MRPL49: variants seen among roughly 807,000 people sequenced by gnomAD.
MRPL49 encodes the protein mitochondrial ribosomal protein L49.
In MRPL49, 14 loss-of-function variants were observed where a neutral mutation model predicts 18.4. The observed-to-expected ratio is 0.76, with a 90% CI of 0.50 to 1.19. The LOEUF (loss-of-function observed/expected upper bound fraction) is 1.19. Among genes scored for constraint, MRPL49 ranks in the 50% most tolerant of loss-of-function variants. The pLI is 0.00. For missense variants in MRPL49, 190 were observed against 217.8 expected (o/e 0.87, Z 0.80); for synonymous variants, 104 against 86.2 (o/e 1.21, Z -1.14).
In MRPL49 at chr11:65,126,976, G is replaced by C. The variant is rs1158558091; in HGVS notation, c.*1104G>C. On this transcript the variant is annotated 3_prime_UTR_variant, in exon 4 of 4. Transcript: ENST00000279242. ...TAGCCTTCATATATGCCTTATACTT[G>C]GAGTCACAGGGGCCAAAGGCCTGAG... 7.4e-6 allele frequency: 5 copies of C among 679,754 alleles called. No individual in the cohort carries two copies. The African/African-American group carries it at 8.9e-5, about 12-fold the overall frequency. The allele number at this position is 679,754 out of a possible 1,614,324, so 42.1% of individuals were successfully genotyped here.
intron 2 of MRPL49, 121 bp downstream of exon 2, chr11:65,124,773 C>T (rs549471447): frequency 3.6e-6 from 4 of 1,112,552 alleles, no homozygotes; most frequent in Middle Eastern, 3.1e-4. Context: ...TTTGCAATCC[C>T]TCTGGGTTAC....
intron 2 of MRPL49, 172 bp from the exon 3 acceptor site, chr11:65,125,316 A>G (rs1040387605): frequency 6.8e-6 from 5 of 736,928 alleles, no homozygotes; most frequent in Middle Eastern, 3.7e-4. Flanking sequence ...AGGGTGAACA[A>G]TTTGGTCCTG....
Position 65,124,566 on chromosome 11 carries a change from T to C in MRPL49, c.143T>C (p.Val48Ala). 1 of 1,614,204 alleles carries C rather than the reference T, an allele frequency of 6.2e-7. No homozygotes were observed. Among genetic ancestry groups the C allele is most frequent in the Non-Finnish European group, 8.5e-7 (1 of 1,180,034 alleles). ...FVESVDEYQFVERLLPATRIP... is the reference protein window; with the variant it reads ...FVESVDEYQFAERLLPATRIP... ...GAGTCTGTGGATGAATATCAGTTTG[T>C]GGAGCGCCTGTTACCGGCTACCAGG... Residue 48 changes from valine (V) to alanine (A), a missense_variant, in exon 2 of 4, where the codon GTG (valine) becomes GCG (alanine). Coordinates refer to ENST00000279242, the MANE Select transcript of MRPL49 (RefSeq NM_004927.4).
upstream of MRPL49, chr11:65,122,281 C>T (rs769437): frequency 3.1e-3 from 4,871 of 1,563,236 alleles, 14 homozygotes; most frequent in Non-Finnish European, 3.5e-3. Flanking sequence ...CCTGGGCAGG[C>T]AGCTCGCGCA....
At position 65,127,253 on chromosome 11, in the gene MRPL49, C is replaced by T. The variant is rs150608811; in HGVS notation, c.*1381C>T. On this transcript the variant is annotated 3_prime_UTR_variant, in exon 4 of 4. Transcript: ENST00000279242. ...GCAAGGAGCCCGACACTGATTTGAT[C>T]GATTCTGTGACACAAACCCCACCAA... 2.6e-4 allele frequency: 128 copies of T among 500,674 alleles called. No homozygotes were observed. The highest frequency in any genetic ancestry group is 2.3e-3 in the East Asian group (71 of 30,346). 31.0% of individuals were successfully genotyped at this position (500,674 alleles called of 1,614,324 possible).
rs751025132 is a variant in MRPL49 at position 65,125,561 on chromosome 11, G to C, written c.303G>C (p.Thr101=). ...ACATCCCCGTCTACAAGGACATCAC[G>C]CATGGCAACCGGCAGATGACTGTGA... ...MHNIPVYKDI[T]HGNRQMTVIR... The change falls in exon 3 of 4, where the codon ACG becomes ACC. Residue 101 remains threonine, a synonymous_variant. Transcript: ENST00000279242. 1.2e-6 allele frequency: 2 copies of C among 1,613,676 alleles called. No homozygotes were observed. The highest frequency in any genetic ancestry group is 2.2e-5 in the East Asian group (1 of 44,864).
At position 65,124,569 on chromosome 11, in the gene MRPL49, A is replaced by G. The variant is rs1310058833; in HGVS notation, c.146A>G (p.Glu49Gly). The change falls in exon 2 of 4, where the codon GAG becomes GGG. Residue 49 changes from glutamate (E) to glycine (G), a missense_variant. Physicochemically the swap from Glu to Gly is moderately conservative, Grantham distance 98. Transcript: ENST00000279242. Reference protein sequence around the residue: ...VESVDEYQFVERLLPATRIPD... With the variant: ...VESVDEYQFVGRLLPATRIPD... ...TCTGTGGATGAATATCAGTTTGTGG[A>G]GCGCCTGTTACCGGCTACCAGGATC... 1.2e-6 allele frequency: 2 copies of G among 1,614,110 alleles called. No homozygotes were observed. The highest frequency in any genetic ancestry group is 1.1e-5 in the South Asian group (1 of 91,076).
chr11:65,123,116 G>T (rs1188300455), intron 1 of MRPL49, among the ~76,000 whole-genome samples: 2 of 152,176 alleles, frequency 1.3e-5, no homozygotes, highest in African/African-American at 2.4e-5. Context: ...AATCATGGAG[G>T]TACAAACAAG....
chr11:65,122,782 C>T (rs1948065464), intron 1 of MRPL49, among the ~76,000 whole-genome samples: 1 of 149,290 alleles, frequency 6.7e-6, no homozygotes, highest in Admixed American at 6.7e-5. Context: ...GGCAGTGGCG[C>T]GATCTCGGCC....
intron 1 of MRPL49, among the ~76,000 whole-genome samples, chr11:65,124,255 G>T (rs1003593745): frequency 2.0e-5 from 3 of 152,180 alleles, no homozygotes; most frequent in Admixed American, 6.5e-5. Context: ...GTCTTTTGTG[G>T]TAGTTCTTGT....
At position 65,125,800 on chromosome 11, in the gene MRPL49, G is replaced by A. The variant is rs767453463; in HGVS notation, c.429G>A (p.Val143=). The change falls in exon 4 of 4, where the codon GTG becomes GTA. Residue 143 remains valine, a synonymous_variant. Transcript: ENST00000279242. ...GKTPVTQVNE[V]TGTLRIKGYF... ...CACCTGTCACCCAGGTCAATGAGGTGACAGGTACCCTACGGATCAAGGGCT... is the reference window on the plus strand; with the variant it reads ...CACCTGTCACCCAGGTCAATGAGGTAACAGGTACCCTACGGATCAAGGGCT... The A allele has an allele frequency of 6.8e-6, 11 of 1,613,184 alleles. No homozygotes were observed. In the South Asian group the frequency reaches 9.9e-5, roughly 15 times the overall value.
chr11:65,123,489 C>A (rs1055883309), intron 1 of MRPL49, among the ~76,000 whole-genome samples: 2 of 152,246 alleles, frequency 1.3e-5, no homozygotes, highest in African/African-American at 4.8e-5. Context: ...AATCCCAGCA[C>A]TTTGGGAGGC....
At position 65,124,523 on chromosome 11, in the gene MRPL49, G is replaced by A. The variant is rs1182448302; in HGVS notation, c.100G>A (p.Asp34Asn). 1 of 1,614,150 alleles carries A rather than the reference G, an allele frequency of 6.2e-7. No homozygotes were observed. The highest frequency in any genetic ancestry group is 1.7e-5 in the Admixed American group (1 of 60,022). The change falls in exon 2 of 4, where the codon GAT becomes AAT. Residue 34 changes from aspartate to asparagine, a missense_variant. Coordinates refer to ENST00000279242, the MANE Select transcript of MRPL49 (RefSeq NM_004927.4). Reference protein sequence around the residue: ...RLLSQTQGPPDYPRFVESVDE... With the variant: ...RLLSQTQGPPNYPRFVESVDE... ...TCAGAGCCAGACCCAGGGCCCTCCAGATTACCCCAGGTTTGTGGAGTCTGT... is the reference window on the plus strand; with the variant it reads ...TCAGAGCCAGACCCAGGGCCCTCCAAATTACCCCAGGTTTGTGGAGTCTGT...
intron 1 of MRPL49, among the ~76,000 whole-genome samples, chr11:65,123,929 C>G (rs1017227828): frequency 6.6e-6 from 1 of 151,836 alleles, no homozygotes; most frequent in African/African-American, 2.4e-5. Flanking sequence ...GCTCTGTCAC[C>G]GAGGCTGGAG....
At chr11:65,123,181 C>T (rs1565335436) in intron 1 of MRPL49, among the ~76,000 whole-genome samples, 1 of 152,066 alleles carries the variant, frequency 6.6e-6, no homozygotes, top group Non-Finnish European at 1.5e-5. Flanking sequence ...GAAAGTTAAG[C>T]CTTAAGTTTC....
In MRPL49 at chr11:65,125,556, A is replaced by G. The variant is rs765069320; in HGVS notation, c.298A>G (p.Ile100Val). ...RMHNIPVYKD[I>V]THGNRQMTVI... is the part of the protein sequence containing the mutation. ...GCACAACATCCCCGTCTACAAGGAC[A>G]TCACGCATGGCAACCGGCAGATGAC... The change falls in exon 3 of 4, where the codon ATC (isoleucine) becomes GTC (valine). Residue 100 changes from isoleucine (I) to valine (V), a missense_variant. Physicochemically the swap from Ile to Val is conservative, Grantham distance 29. Transcript: ENST00000279242. The G allele has an allele frequency of 1.9e-6, 3 of 1,614,026 alleles. No individual in the cohort carries two copies. Among genetic ancestry groups the G allele is most frequent in the Non-Finnish European group, 8.5e-7 (1 of 1,180,022 alleles).
chr11:65,126,003 C>T lies in MRPL49; in HGVS notation c.*131C>T. On this transcript the variant is annotated 3_prime_UTR_variant, in exon 4 of 4. Coordinates refer to ENST00000279242, the MANE Select transcript of MRPL49 (RefSeq NM_004927.4). ...AACTAGGGCTAAAGGACTTTGGGGT[C>T]AGGCCTTGCTTGCATAAAGGAGAAA... 1.8e-6 allele frequency: 2 copies of T among 1,128,258 alleles called. No homozygotes were observed. The highest frequency in any genetic ancestry group is 2.5e-6 in the Non-Finnish European group (2 of 803,904). 69.9% of individuals were successfully genotyped at this position (1,128,258 alleles called of 1,614,324 possible).
rs1948106325 is a variant in MRPL49 at position 65,126,757 on chromosome 11, A to T, written c.*885A>T. 9 of 503,476 alleles carry T rather than the reference A, an allele frequency of 1.8e-5. No homozygotes were observed. The South Asian group carries it at 2.0e-4, about 11-fold the overall frequency. 31.2% of individuals were successfully genotyped at this position (503,476 alleles called of 1,614,324 possible). A position where few individuals can be genotyped will look rare whatever the true frequency, so the allele number is the denominator to read the frequency against. ...CCCCGGGCTCTGATAGAGAGGTAGGAGGCACGTTCTTGGTCACTGTTCCAT... is the reference window on the plus strand; with the variant it reads ...CCCCGGGCTCTGATAGAGAGGTAGGTGGCACGTTCTTGGTCACTGTTCCAT... On this transcript the variant is annotated 3_prime_UTR_variant, in exon 4 of 4. Transcript: ENST00000279242.
At position 65,122,677 on chromosome 11, in the gene MRPL49, C is replaced by G. The variant is rs868562687; in HGVS notation, c.78+253C>G. ...CAACGTTTCAGGTAAGGGGCGGGGT[C>G]CTAGCATATGAGTGTGCGTGGGGAA... On this transcript the variant is annotated intron_variant, in intron 1 of 3. Transcript: ENST00000279242. Among the ~76,000 whole-genome samples the G allele has an allele frequency of 2.0e-5, 3 of 151,796 alleles. No homozygotes were observed. In the South Asian group the frequency reaches 6.2e-4, roughly 32 times the overall value.
Sources: gnomAD v4.1 joint callset for allele counts (sites outside exome capture counted in the v4.1 genomes callset) on GRCh38, gnomAD v4.1.1 for gene constraint, MANE v1.5 for transcripts, NCBI Gene and HGNC (gene_info 2026-07-23, HGNC 2026-07-21) for gene names.